Variants in ATG4B observed in about 807,000 individuals in gnomAD.
The protein encoded by ATG4B is cysteine protease ATG4B.
In ATG4B, 29 loss-of-function variants were observed where a neutral mutation model predicts 56.6. The ratio of observed to expected loss-of-function variants is 0.51; its 90% CI spans 0.38 to 0.70. The LOEUF (loss-of-function observed/expected upper bound fraction) is 0.70. Ranked by LOEUF, ATG4B falls within the 30% of genes least tolerant of loss-of-function variation. The pLI, the probability that ATG4B is intolerant of heterozygous loss-of-function variation, is 0.00. For synonymous variants in ATG4B, 224 were observed against 206.1 expected (o/e 1.09, Z -0.74); for missense variants, 461 against 515.5 (o/e 0.89, Z 1.02).
Position 241,651,131 on chromosome 2 carries a change from C to G in ATG4B, c.112+20C>G. 6.2e-7 allele frequency: 1 copy of G among 1,602,238 alleles called. No homozygotes were observed. The highest frequency in any genetic ancestry group is 8.5e-7 in the Non-Finnish European group (1 of 1,172,326). On this transcript the variant is annotated intron_variant, in intron 2 of 12. Transcript: ENST00000404914. The surrounding 1 kb of genome is among the most constrained non-coding windows in gnomAD (Gnocchi z 4.1). The stretch of plus-strand genomic sequence containing the variant: ...TCACAGGTATCGGCCATGCTGGAGC[C>G]CACCCTGGTCTGACCGCTTGGCCTG...
At position 241,668,771 on chromosome 2, in the gene ATG4B, T is replaced by C; in HGVS notation, c.957+86T>C. 10 of 1,506,070 alleles carry C rather than the reference T, an allele frequency of 6.6e-6. No homozygotes were observed. The highest frequency in any genetic ancestry group is 8.8e-6 in the Non-Finnish European group (10 of 1,135,260). The allele number at this position is 1,506,070 out of a possible 1,614,324, so 93.3% of individuals were successfully genotyped here. ...AGGAAAACTTTCGGATTTTTGCGTT[T>C]TTTTTTTCAGCATGTTGGGATAAGT... On this transcript the variant is annotated intron_variant, in intron 10 of 12. Transcript: ENST00000404914. The surrounding 1 kb of genome is among the most constrained non-coding windows in gnomAD (Gnocchi z 4.2).
chr2:241,645,386 AAGAG>A (rs2068032832), intron 1 of ATG4B, among the ~76,000 whole-genome samples: 1 of 152,126 alleles, frequency 6.6e-6, no homozygotes, highest in African/African-American at 2.4e-5. Flanking sequence ...AGTGTTAGTA[AAGAG>A]ACTCATGTTT....
chr2:241,647,733 G>T (rs2068106877), intron 1 of ATG4B, among the ~76,000 whole-genome samples: 1 of 152,138 alleles, frequency 6.6e-6, no homozygotes, highest in Non-Finnish European at 1.5e-5. Flanking sequence ...AAAGCCTACA[G>T]GTCAAAGAAT....
At chr2:241,652,507 G>A (rs1030717123) in intron 3 of ATG4B, among the ~76,000 whole-genome samples, 5 of 152,146 alleles carry the variant, frequency 3.3e-5, no homozygotes, top group African/African-American at 4.8e-5. Flanking sequence ...TTAGCCCCAC[G>A]GAGATAATTT....
At chr2:241,653,852 C>T (rs2068297874) in intron 4 of ATG4B, among the ~76,000 whole-genome samples, 1 of 151,986 alleles carries the variant, frequency 6.6e-6, no homozygotes. Context: ...ATTAGCCAGG[C>T]GTGGTGGCTC....
intron 1 of ATG4B, among the ~76,000 whole-genome samples, chr2:241,645,221 A>C (rs2068028444): frequency 3.3e-5 from 5 of 152,134 alleles, no homozygotes; most frequent in Admixed American, 3.3e-4. Context: ...ACCTCCTCAT[A>C]ACTGAAGAGA....
At position 241,651,097 on chromosome 2, in the gene ATG4B, A is replaced by T; in HGVS notation, c.98A>T (p.Tyr33Phe). ...CCCGTTTGGATACTGGGTAGAAAAT[A>T]CAGCATTTTCACAGGTATCGGCCAT... ...SEPVWILGRK[Y>F]SIFTEKDEIL... Residue 33 changes from tyrosine (Y) to phenylalanine (F), a missense_variant, in exon 2 of 13, where the codon TAC (tyrosine) becomes TTC (phenylalanine). Coordinates refer to ENST00000404914, the MANE Select transcript of ATG4B (RefSeq NM_013325.5). The surrounding 1 kb of genome is among the most constrained non-coding windows in gnomAD (Gnocchi z 4.1). 6.2e-7 allele frequency: 1 copy of T among 1,613,554 alleles called. No individual in the cohort carries two copies. Among genetic ancestry groups the T allele is most frequent in the Non-Finnish European group, 8.5e-7 (1 of 1,179,692 alleles).
chr2:241,659,399 T>A (rs1345392533), intron 7 of ATG4B: 1 of 646,484 alleles, frequency 1.5e-6, no homozygotes, highest in African/African-American at 1.8e-5. Flanking sequence ...GCCCAGGCTG[T>A]CTGGAGGCCG....
intron 6 of ATG4B, among the ~76,000 whole-genome samples, chr2:241,658,541 T>G (rs2068488284): frequency 6.6e-6 from 1 of 152,064 alleles, no homozygotes; most frequent in South Asian, 2.1e-4. Flanking sequence ...AGACCTGAGA[T>G]GAGATCAGAG....
chr2:241,652,687 G>C (rs997718059), intron 3 of ATG4B, among the ~76,000 whole-genome samples: 10 of 152,170 alleles, frequency 6.6e-5, no homozygotes, highest in Admixed American at 5.9e-4. Flanking sequence ...ATCAGCAGTA[G>C]AGCGATCAGC....
intron 6 of ATG4B, 53 bp from the exon 7 acceptor site, chr2:241,659,055 G>T: frequency 7.1e-7 from 1 of 1,416,698 alleles, no homozygotes; most frequent in South Asian, 1.4e-5. Context: ...CTGCAAAGAT[G>T]AACCGTCTTT....
Position 241,666,853 on chromosome 2 carries a change from G to A in ATG4B, c.732+15G>A, listed in dbSNP as rs753832972. The stretch of plus-strand genomic sequence containing the variant: ...AGACGCTGAAGGTGGGTCCTGCCGT[G>A]CGGCGCTTGCCCTGAGTCCCCGTCC... On this transcript the variant is annotated intron_variant, in intron 8 of 12. Coordinates refer to ENST00000404914, the MANE Select transcript of ATG4B (RefSeq NM_013325.5). 4 of 1,547,368 alleles carry A rather than the reference G, an allele frequency of 2.6e-6. No homozygotes were observed. The African/African-American group carries it at 4.1e-5, about 16-fold the overall frequency.
At chr2:241,652,047 A>G (rs1399309810) in intron 3 of ATG4B, 11 of 1,140,628 alleles carry the variant, frequency 9.6e-6, no homozygotes, top group Non-Finnish European at 1.3e-5. Flanking sequence ...GGGTGGTTTC[A>G]TTCTTTATCC....
chr2:241,645,959 G>A (rs1184076339), intron 1 of ATG4B, among the ~76,000 whole-genome samples: 9 of 152,082 alleles, frequency 5.9e-5, no homozygotes, highest in African/African-American at 1.5e-4. Flanking sequence ...CCGTGGCTGC[G>A]CCACTCCTGT....
chr2:241,672,439 G>A lies in ATG4B; in HGVS notation c.*175G>A, dbSNP rs1559277758. On this transcript the variant is annotated 3_prime_UTR_variant, in exon 13 of 13. Transcript: ENST00000404914. Reference sequence around the variant, plus strand: ...CGCTGCCCGGGAGGCCTTACTGCTTGGTGTCAGACTGCCCAGCTCAGAGTG... The same window carrying A: ...CGCTGCCCGGGAGGCCTTACTGCTTAGTGTCAGACTGCCCAGCTCAGAGTG... The A allele has an allele frequency of 3.2e-6, 2 of 629,656 alleles. No homozygotes were observed. The highest frequency in any genetic ancestry group is 1.8e-5 in the African/African-American group (1 of 54,276). The allele number at this position is 629,656 out of a possible 1,614,324, so 39.0% of individuals were successfully genotyped here.
chr2:241,649,462 T>C (rs1242609291), intron 1 of ATG4B, among the ~76,000 whole-genome samples: 1 of 152,256 alleles, frequency 6.6e-6, no homozygotes, highest in Non-Finnish European at 1.5e-5. Flanking sequence ...TCATATGTGA[T>C]TGATTTTCAA....
chr2:241,656,609 A>G lies in ATG4B; in HGVS notation c.458+1266A>G, dbSNP rs923948122. ...CCCTGTTGCTGGATGATCCTCCCCA[A>G]CCTGCAAGTGCTGTGGCACTCAGGC... is the stretch of plus-strand genomic sequence containing the variant. On this transcript the variant is annotated intron_variant, in intron 6 of 12. Coordinates refer to ENST00000404914, the MANE Select transcript of ATG4B (RefSeq NM_013325.5). 5.3e-5 allele frequency among the ~76,000 whole-genome samples: 8 copies of G among 151,996 alleles called. No homozygotes were observed. In the South Asian group the frequency reaches 6.2e-4, roughly 12 times the overall value.
At chr2:241,655,190 C>T (rs914248854) in intron 5 of ATG4B, 81 bp from the exon 6 acceptor site, 46 of 1,426,520 alleles carry the variant, frequency 3.2e-5, no homozygotes, top group African/African-American at 2.1e-4. Flanking sequence ...CTTCCTGTGA[C>T]GTGTCTCCTG....
At chr2:241,666,485 T>A (rs2068775755) in intron 7 of ATG4B, 160 bp from the exon 8 acceptor site, 2 of 747,242 alleles carry the variant, frequency 2.7e-6, no homozygotes, top group South Asian at 3.7e-5. Context: ...TATGAAAAAA[T>A]TTTCTTACGC....
Sources: gnomAD v4.1 joint callset for allele counts (sites outside exome capture counted in the v4.1 genomes callset) on GRCh38, gnomAD v4.1.1 for gene constraint, Gnocchi (gnomAD v3.1) non-coding constraint, MANE v1.5 for transcripts, NCBI Gene and HGNC (gene_info 2026-07-23, HGNC 2026-07-21) for gene names.